Variants in S100Z observed in about 807,000 individuals in gnomAD.
S100Z encodes protein S100-Z.
S100Z carries 11 observed loss-of-function variants against 8.5 expected under a neutral mutation model. The observed-to-expected ratio is 1.30, with a 90% confidence interval of 0.82 to 2.15. The LOEUF is 2.15. Ranked by LOEUF, S100Z falls within the 30% of genes most tolerant of loss-of-function variation. The probability of loss-of-function intolerance (pLI) is 0.00; values close to 1 mark genes in which losing one functional copy is unlikely to be tolerated. For synonymous variants in S100Z, 34 were observed against 43.8 expected (o/e 0.78, Z 0.89); for missense variants, 126 against 117.9 (o/e 1.07, Z -0.32).
intron 4 of S100Z, among the ~76,000 whole-genome samples, chr5:76,879,716 A>G (rs1743326711): frequency 6.6e-6 from 1 of 152,224 alleles, no homozygotes; most frequent in African/African-American, 2.4e-5. Flanking sequence ...TGCTGTAAAG[A>G]AAAGGAAGAG....
chr5:76,884,024 C>G (rs933620100), intron 4 of S100Z, among the ~76,000 whole-genome samples: 12 of 143,614 alleles, frequency 8.4e-5, no homozygotes, highest in Non-Finnish European at 1.8e-4. Flanking sequence ...CACCTTGAAG[C>G]GAGGTTAATT....
intron 1 of S100Z, among the ~76,000 whole-genome samples, chr5:76,852,550 A>G (rs1750761211): frequency 6.6e-6 from 1 of 152,056 alleles, no homozygotes; most frequent in African/African-American, 2.4e-5. Context: ...TCTCTACTAA[A>G]ATACAAAAAA....
chr5:76,899,904 C>T (rs142878399), intron 4 of S100Z, among the ~76,000 whole-genome samples: 11 of 152,254 alleles, frequency 7.2e-5, no homozygotes, highest in Non-Finnish European at 1.3e-4. Flanking sequence ...CATGTACTCC[C>T]TTGAACACTT....
chr5:76,899,418 TCTTC>T (rs1461255718), intron 4 of S100Z, among the ~76,000 whole-genome samples: 30 of 151,956 alleles, frequency 2.0e-4, no homozygotes, highest in Admixed American at 7.2e-4. Context: ...TGTGGTCTTC[TCTTC>T]CTTCTTTCTT....
intron 1 of S100Z, among the ~76,000 whole-genome samples, chr5:76,869,474 G>C (rs1444646794): frequency 6.6e-6 from 1 of 152,148 alleles, no homozygotes; most frequent in Non-Finnish European, 1.5e-5. Context: ...ACCTGCAAAG[G>C]CATGGAAGAA....
chr5:76,858,946 A>G (rs1750967074), intron 1 of S100Z, among the ~76,000 whole-genome samples: 1 of 152,056 alleles, frequency 6.6e-6, no homozygotes, highest in Non-Finnish European at 1.5e-5. Context: ...TGTTGTCTCT[A>G]CTAAAAATAC....
At chr5:76,864,584 A>G (rs1316933061) in intron 1 of S100Z, among the ~76,000 whole-genome samples, 2 of 151,528 alleles carry the variant, frequency 1.3e-5, no homozygotes, top group Non-Finnish European at 1.5e-5. Context: ...TTGTATTTTT[A>G]GTAGAGACAG....
At chr5:76,886,271 C>T (rs1002055012) in intron 4 of S100Z, among the ~76,000 whole-genome samples, 3 of 152,148 alleles carry the variant, frequency 2.0e-5, no homozygotes, top group East Asian at 1.9e-4. Flanking sequence ...CTGTGACCTG[C>T]GCCGGAGTTT....
chr5:76,886,912 G>A lies in S100Z; in HGVS notation c.*2+9078G>A, dbSNP rs1024971624. On this transcript the variant is annotated intron_variant, in intron 4 of 4. Transcript: ENST00000317593. ...ACAATGGTGGAATGTCATCAGTTAA[G>A]GCTATTTTCACTTCTTTTGTGGATC... 2.6e-5 allele frequency among the ~76,000 whole-genome samples: 4 copies of A among 152,130 alleles called. No homozygotes were observed. In the East Asian group the frequency reaches 7.7e-4, roughly 29 times the overall value.
At chr5:76,884,511 T>A (rs985693535) in intron 4 of S100Z, among the ~76,000 whole-genome samples, 2 of 152,174 alleles carry the variant, frequency 1.3e-5, no homozygotes, top group African/African-American at 4.8e-5. Flanking sequence ...CAGGTTAAAT[T>A]GTAGGACAGA....
At position 76,875,227 on chromosome 5, in the gene S100Z, C is replaced by T. The variant is rs146611983; in HGVS notation, c.-56-77C>T. The T allele has an allele frequency of 3.9e-4, 308 of 796,290 alleles. No individual in the cohort carries two copies. In the African/African-American group the frequency reaches 5.0e-3, roughly 13 times the overall value. The allele number at this position is 796,290 out of a possible 1,614,324, so 49.3% of individuals were successfully genotyped here. ...TTTTTAACAACCATCACTTGTGTGGCGAGCTGACTCGGGGGATTGTAATAT... is the reference window on the plus strand; with the variant it reads ...TTTTTAACAACCATCACTTGTGTGGTGAGCTGACTCGGGGGATTGTAATAT... On this transcript the variant is annotated intron_variant, in intron 2 of 4. Transcript: ENST00000317593.
chr5:76,866,297 A>G (rs1742728498), intron 1 of S100Z, among the ~76,000 whole-genome samples: 1 of 151,946 alleles, frequency 6.6e-6, no homozygotes, highest in African/African-American at 2.4e-5. Context: ...GTTGCCCACA[A>G]TGGTCTCGAA....
the S100Z span, among the ~76,000 whole-genome samples, chr5:76,943,650 C>A: frequency 6.6e-6 from 1 of 152,170 alleles, no homozygotes; most frequent in African/African-American, 2.4e-5. Context: ...TTTTCCTGCA[C>A]ATTGCCCACA....
At chr5:76,936,650 CACACACAA>C in the S100Z span, among the ~76,000 whole-genome samples, 1 of 144,384 alleles carries the variant, frequency 6.9e-6, no homozygotes, top group South Asian at 2.2e-4. Flanking sequence ...CACACACACA[CACACACAA>C]CCATGAAGGA....
chr5:76,854,347 G>T (rs1331312025), intron 1 of S100Z, among the ~76,000 whole-genome samples: 1 of 152,186 alleles, frequency 6.6e-6, no homozygotes, highest in African/African-American at 2.4e-5. Context: ...TTGTTGAATG[G>T]TAGTGACCAA....
chr5:76,940,935 C>T, the S100Z span, among the ~76,000 whole-genome samples: 1 of 151,990 alleles, frequency 6.6e-6, no homozygotes, highest in Non-Finnish European at 1.5e-5. Flanking sequence ...GGTCAGGATG[C>T]CCCTCTGTTG....
At chr5:76,941,572 T>C in the S100Z span, among the ~76,000 whole-genome samples, 1 of 152,238 alleles carries the variant, frequency 6.6e-6, no homozygotes, top group Admixed American at 6.5e-5. Flanking sequence ...GTCTTGGGTA[T>C]GTACTTATTA....
At chr5:76,880,414 A>G (rs868432504) in intron 4 of S100Z, among the ~76,000 whole-genome samples, 22 of 152,256 alleles carry the variant, frequency 1.4e-4, no homozygotes, top group African/African-American at 4.8e-4. Context: ...TGGGGGTGGT[A>G]TGGAGAGATA....
In S100Z at chr5:76,852,046, T is replaced by C. The variant is rs866613712; in HGVS notation, c.-176+1891T>C. 5.5e-5 allele frequency among the ~76,000 whole-genome samples: 8 copies of C among 146,232 alleles called. No individual in the cohort carries two copies. In the South Asian group the frequency reaches 1.7e-3, roughly 30 times the overall value. On this transcript the variant is annotated intron_variant, in intron 1 of 4. Coordinates refer to ENST00000317593, the MANE Select transcript of S100Z (RefSeq NM_130772.4). ...AGGAATTCTTAAAAATTAAAATTTCTCACTTTTTCTTTTAAAAAAAAAAAA... is the reference window on the plus strand; with the variant it reads ...AGGAATTCTTAAAAATTAAAATTTCCCACTTTTTCTTTTAAAAAAAAAAAA...
Sources: gnomAD v4.1 joint callset for allele counts (sites outside exome capture counted in the v4.1 genomes callset) on GRCh38, gnomAD v4.1.1 for gene constraint, MANE v1.5 for transcripts, NCBI Gene and HGNC (gene_info 2026-07-23, HGNC 2026-07-21) for gene names.